Variants in PPP6R3 observed in about 807,000 individuals in gnomAD.
PPP6R3 encodes protein phosphatase 6 regulatory subunit 3.
In PPP6R3, 38 loss-of-function variants were observed where a neutral mutation model predicts 110.7. That is an observed-to-expected ratio of 0.34 (90% CI 0.26 to 0.45). The LOEUF (loss-of-function observed/expected upper bound fraction) is 0.45, where lower values mean the gene tolerates loss of function less well. Ranked by LOEUF, PPP6R3 falls within the 20% of genes least tolerant of loss-of-function variation. The pLI is 1.00. For missense variants in PPP6R3, 870 were observed against 1,062.4 expected (o/e 0.82, Z 2.52); for synonymous variants, 369 against 373.5 (o/e 0.99, Z 0.14).
chr11:68,493,659 C>T (rs2098997775), intron 1 of PPP6R3, among the ~76,000 whole-genome samples: 2 of 147,082 alleles, frequency 1.4e-5, no homozygotes, highest in African/African-American at 2.5e-5. Flanking sequence ...CAAAAAAATA[C>T]ACACACACAC....
chr11:68,543,602 G>A (rs571958936), intron 3 of PPP6R3, among the ~76,000 whole-genome samples: 2 of 152,256 alleles, frequency 1.3e-5, no homozygotes, highest in African/African-American at 2.4e-5. Flanking sequence ...TGTCGTATAC[G>A]TGTCCCTCCT....
intron 1 of PPP6R3, among the ~76,000 whole-genome samples, chr11:68,511,653 G>GT (rs2099110816): frequency 6.6e-6 from 1 of 151,532 alleles, no homozygotes; most frequent in African/African-American, 2.4e-5. Flanking sequence ...GCTAATTTTT[G>GT]TATTTTTAGC....
chr11:68,581,708 T>C (rs974872505), intron 14 of PPP6R3, among the ~76,000 whole-genome samples: 1 of 152,248 alleles, frequency 6.6e-6, no homozygotes, highest in African/African-American at 2.4e-5. Flanking sequence ...AAGGCTTTCC[T>C]GGAACATCCC....
At chr11:68,531,755 T>C (rs2099242089) in intron 2 of PPP6R3, among the ~76,000 whole-genome samples, 1 of 152,182 alleles carries the variant, frequency 6.6e-6, no homozygotes, top group Admixed American at 6.5e-5. Context: ...TAGCTGCTAT[T>C]GCGGATCTTT....
intron 22 of PPP6R3, among the ~76,000 whole-genome samples, chr11:68,606,488 T>C (rs1219778902): frequency 6.6e-6 from 1 of 151,102 alleles, no homozygotes; most frequent in Non-Finnish European, 1.5e-5. Context: ...GTTTTTTTTT[T>C]TTTTTTTTGT....
intron 7 of PPP6R3, among the ~76,000 whole-genome samples, chr11:68,555,183 G>T (rs1300867658): frequency 6.6e-6 from 1 of 152,092 alleles, no homozygotes; most frequent in Non-Finnish European, 1.5e-5. Context: ...AAAGATTGCC[G>T]GCTTCTGAGT....
At chr11:68,599,869 A>G (rs1424243615) in intron 19 of PPP6R3, among the ~76,000 whole-genome samples, 1 of 151,940 alleles carries the variant, frequency 6.6e-6, no homozygotes, top group Non-Finnish European at 1.5e-5. Flanking sequence ...CACGCCTGTA[A>G]TCCCAGCACT....
At chr11:68,471,855 G>C (rs1214322763) in intron 1 of PPP6R3, among the ~76,000 whole-genome samples, 1 of 151,994 alleles carries the variant, frequency 6.6e-6, no homozygotes, top group South Asian at 2.1e-4. Context: ...GCTCCTCCCT[G>C]GTAGGAGGAG....
intron 1 of PPP6R3, among the ~76,000 whole-genome samples, chr11:68,515,518 G>C (rs73518807): frequency 0.24 from 36,583 of 150,680 alleles, 4,049 homozygotes; most frequent in Middle Eastern, 0.33. Flanking sequence ...GCAAACCGAT[G>C]TTCCAAAACA....
intron 3 of PPP6R3, among the ~76,000 whole-genome samples, chr11:68,544,211 C>T (rs1396134588): frequency 6.6e-6 from 1 of 152,168 alleles, no homozygotes; most frequent in East Asian, 1.9e-4. Flanking sequence ...TAATCTCAGC[C>T]TCCTAAATAG....
At chr11:68,566,598 C>A (rs1314900513) in intron 9 of PPP6R3, among the ~76,000 whole-genome samples, 10 of 152,016 alleles carry the variant, frequency 6.6e-5, no homozygotes, top group African/African-American at 2.4e-4. Context: ...TGGGTTCAAG[C>A]GATCCACCCA....
At chr11:68,550,412 T>C (rs1324843955) in intron 5 of PPP6R3, among the ~76,000 whole-genome samples, 1 of 152,194 alleles carries the variant, frequency 6.6e-6, no homozygotes, top group Non-Finnish European at 1.5e-5. Context: ...TTCTAGGTAG[T>C]GAGCTGCCTT....
At position 68,613,992 on chromosome 11, in the gene PPP6R3, T is replaced by G. The variant is rs1003749630; in HGVS notation, c.*875T>G. The stretch of plus-strand genomic sequence containing the variant: ...TTTAACCCATTCACCAAAATTTACC[T>G]TGTTAACAAGCATCACCAATGAACA... On this transcript the variant is annotated 3_prime_UTR_variant, in exon 24 of 24. Coordinates refer to ENST00000393800, the MANE Select transcript of PPP6R3 (RefSeq NM_001164161.2). The G allele has an allele frequency of 1.0e-6, 1 of 985,656 alleles. No homozygotes were observed. Among genetic ancestry groups the G allele is most frequent in the Non-Finnish European group, 1.2e-6 (1 of 829,904 alleles). The allele number at this position is 985,656 out of a possible 1,614,324, so 61.1% of individuals were successfully genotyped here.
At chr11:68,535,117 A>G (rs1439264230) in intron 2 of PPP6R3, among the ~76,000 whole-genome samples, 1 of 152,064 alleles carries the variant, frequency 6.6e-6, no homozygotes, top group Non-Finnish European at 1.5e-5. Flanking sequence ...CTTGTATTTC[A>G]TCTTTGCCCT....
At chr11:68,516,825 A>G (rs1446810113) in intron 1 of PPP6R3, among the ~76,000 whole-genome samples, 2 of 152,182 alleles carry the variant, frequency 1.3e-5, no homozygotes, top group East Asian at 1.9e-4. Flanking sequence ...ATAGTGCGCA[A>G]GAGTTCCAGT....
intron 1 of PPP6R3, among the ~76,000 whole-genome samples, chr11:68,479,655 C>CT (rs942159078): frequency 6.6e-6 from 1 of 151,990 alleles, no homozygotes; most frequent in African/African-American, 2.4e-5. Context: ...TTTTTAAAGT[C>CT]TTTTTTTCTC....
At chr11:68,571,323 T>TTTGCC in intron 12 of PPP6R3, 1 of 566,810 alleles carries the variant, frequency 1.8e-6, no homozygotes, top group South Asian at 2.3e-5. Context: ...ACAAGTGAGT[T>TTTGCC]CGGAGTGTTC....
In PPP6R3 at chr11:68,477,741, AATATAT is replaced by A. The variant is rs1179617745; in HGVS notation, c.-158+16940_-158+16945del. Among the ~76,000 whole-genome samples, 182 of 57,900 alleles carry A rather than the reference AATATAT, an allele frequency of 3.1e-3. 1 individual carries two copies. Among genetic ancestry groups the A allele is most frequent in the African/African-American group, 6.9e-3 (97 of 14,036 alleles). The allele number at this position is 57,900 out of a possible 152,430, so 38.0% of individuals were successfully genotyped here. ...GACATTGTCTCTTAAAAAAAAAAAA[AATATAT>A]ATATATATATATATATATATATATA... On this transcript the variant is annotated intron_variant, in intron 1 of 23. Transcript: ENST00000393800.
At chr11:68,597,611 G>A (rs1251765208) in intron 19 of PPP6R3, among the ~76,000 whole-genome samples, 1 of 152,118 alleles carries the variant, frequency 6.6e-6, no homozygotes, top group African/African-American at 2.4e-5. Flanking sequence ...GTGAGGAGGA[G>A]ACAGGGCAGA....
Sources: allele counts gnomAD v4.1 joint callset (sites outside exome capture counted in the v4.1 genomes callset), GRCh38; gene constraint gnomAD v4.1.1; transcripts MANE v1.5; gene names NCBI Gene and HGNC (gene_info 2026-07-23, HGNC 2026-07-21).